The following TYW1 variants were observed in gnomAD, a reference collection of about 807,000 sequenced individuals.
TYW1 encodes tRNA-yW synthesizing protein 1 homolog.
Under a neutral mutation model 96.2 loss-of-function variants are expected in TYW1, and 46 were observed. The ratio of observed to expected loss-of-function variants is 0.48; its 90% confidence interval spans 0.38 to 0.61. The LOEUF is 0.61. TYW1 is among the 20% of genes least tolerant of loss of function. TYW1 has a pLI of 0.00. For synonymous variants in TYW1, 274 were observed against 323.0 expected (o/e 0.85, Z 1.63); for missense variants, 684 against 909.6 (o/e 0.75, Z 3.19).
At chr7:67,038,567 C>T (rs2129254439) in intron 7 of TYW1, among the ~76,000 whole-genome samples, 1 of 152,172 alleles carries the variant, frequency 6.6e-6, no homozygotes, top group South Asian at 2.1e-4. Context: ...GATCGCACCA[C>T]TGCACTCCAG....
At chr7:67,014,918 C>A (rs182187525) in intron 5 of TYW1, among the ~76,000 whole-genome samples, 5 of 151,122 alleles carry the variant, frequency 3.3e-5, no homozygotes, top group African/African-American at 1.2e-4. Flanking sequence ...TTACTAGAGA[C>A]GGGGTTTCAC....
intron 9 of TYW1, among the ~76,000 whole-genome samples, chr7:67,060,115 G>T (rs1321616360): frequency 6.9e-6 from 1 of 144,266 alleles, no homozygotes; most frequent in East Asian, 2.1e-4. Context: ...TCACTCTGTC[G>T]CCCAGGCTGG....
intron 13 of TYW1, among the ~76,000 whole-genome samples, chr7:67,180,406 TTATATATATATATATATA>T (rs1263497490): frequency 2.9e-4 from 18 of 62,726 alleles, no homozygotes; most frequent in East Asian, 3.4e-4. Flanking sequence ...ATATATATAT[TTATATATATATATATATA>T]ATTTTTTTTT....
At position 67,086,551 on chromosome 7, in the gene TYW1, G is replaced by A. The variant is rs149297926; in HGVS notation, c.1384+3012G>A. On this transcript the variant is annotated intron_variant, in intron 11 of 15. Transcript: ENST00000359626. ...TGGCTCATGTATTTGTGGAGGCTTG[G>A]TGAGTTCAACATCTCATGGGTTGAC... Among the ~76,000 whole-genome samples, 361 of 152,246 alleles carry A rather than the reference G, an allele frequency of 2.4e-3. 1 individual carries two copies. The highest frequency in any genetic ancestry group is 7.9e-3 in the African/African-American group (330 of 41,540).
At chr7:67,090,267 T>G (rs188674202) in intron 11 of TYW1, among the ~76,000 whole-genome samples, 42 of 152,330 alleles carry the variant, frequency 2.8e-4, no homozygotes, top group Non-Finnish European at 3.7e-4. Context: ...AGGTATTATT[T>G]ATGACTTTTA....
At chr7:67,095,943 ATG>A (rs1241293552) in intron 11 of TYW1, among the ~76,000 whole-genome samples, 21 of 152,194 alleles carry the variant, frequency 1.4e-4, no homozygotes, top group Middle Eastern at 3.2e-3. Flanking sequence ...AGTTTCATAA[ATG>A]AGGATAAAGG....
chr7:67,121,971 G>A (rs11764458), intron 13 of TYW1, among the ~76,000 whole-genome samples: 12,670 of 108,986 alleles, frequency 0.12, 1,311 homozygotes, highest in African/African-American at 0.21. Context: ...ATTTCTGTCC[G>A]CGATAGCTAC....
intron 13 of TYW1, among the ~76,000 whole-genome samples, chr7:67,165,156 A>G (rs990879380): frequency 6.6e-6 from 1 of 152,174 alleles, no homozygotes; most frequent in African/African-American, 2.4e-5. Context: ...CCAATTTGAT[A>G]AGCCCAAATA....
intron 11 of TYW1, among the ~76,000 whole-genome samples, chr7:67,093,976 G>A (rs1163020340): frequency 1.3e-5 from 2 of 152,172 alleles, no homozygotes; most frequent in Non-Finnish European, 2.9e-5. Context: ...GTACCTGATA[G>A]GTAATTTTTC....
intron 13 of TYW1, among the ~76,000 whole-genome samples, chr7:67,151,787 ATGC>A (rs1032199083): frequency 4.2e-5 from 6 of 143,082 alleles, no homozygotes; most frequent in South Asian, 4.5e-4. Context: ...GAACACAGCC[ATGC>A]TGCTGCTGCT....
Position 67,197,600 on chromosome 7 carries a change from A to G in TYW1, c.1977+2263A>G, listed in dbSNP as rs533311084. ...CTCAGTCTCCCAAAGTGCTGGGATT[A>G]CAGGCATGGGCCACCATGCCCAGTC... On this transcript the variant is annotated intron_variant, in intron 15 of 15. Coordinates refer to ENST00000359626, the MANE Select transcript of TYW1 (RefSeq NM_018264.4). Among the ~76,000 whole-genome samples the G allele has an allele frequency of 3.3e-5, 5 of 152,330 alleles. No individual in the cohort carries two copies. The South Asian group carries it at 1.0e-3, about 32-fold the overall frequency.
chr7:67,015,885 C>T (rs1196752084), intron 5 of TYW1, among the ~76,000 whole-genome samples: 1 of 151,436 alleles, frequency 6.6e-6, no homozygotes, highest in Non-Finnish European at 1.5e-5. Flanking sequence ...ATGGCGTGTA[C>T]TCGGGAGGCA....
Position 67,132,965 on chromosome 7 carries a change from C to T in TYW1, c.1698+15347C>T, listed in dbSNP as rs562712316. On this transcript the variant is annotated intron_variant, in intron 13 of 15. Transcript: ENST00000359626. Reference sequence around the variant, plus strand: ...TGTGCACATGTGCAATAATTTCTTTCGGAACTAACCTGTGGTTGGAAGTTG... The same window carrying T: ...TGTGCACATGTGCAATAATTTCTTTTGGAACTAACCTGTGGTTGGAAGTTG... Among the ~76,000 whole-genome samples, 23 of 152,146 alleles carry T rather than the reference C, an allele frequency of 1.5e-4. No individual in the cohort carries two copies. The East Asian group carries it at 3.7e-3, about 24-fold the overall frequency.
chr7:67,005,425 A>C (rs745691116), intron 3 of TYW1, among the ~76,000 whole-genome samples: 1 of 152,152 alleles, frequency 6.6e-6, no homozygotes, highest in Non-Finnish European at 1.5e-5. Flanking sequence ...GCAAAACTCT[A>C]TCTCTACAAA....
intron 13 of TYW1, among the ~76,000 whole-genome samples, chr7:67,128,328 G>A (rs374663789): frequency 2.6e-5 from 4 of 152,024 alleles, no homozygotes; most frequent in African/African-American, 9.7e-5. Flanking sequence ...CAGTCTCAAG[G>A]CCATTCTTCA....
intron 8 of TYW1, among the ~76,000 whole-genome samples, chr7:67,053,324 A>G (rs1163049916): frequency 6.6e-6 from 1 of 151,030 alleles, no homozygotes; most frequent in Admixed American, 6.6e-5. Context: ...AGCATCAGGC[A>G]TTGCCCCCAG....
At chr7:67,142,680 C>G (rs1460833793) in intron 13 of TYW1, among the ~76,000 whole-genome samples, 1 of 152,170 alleles carries the variant, frequency 6.6e-6, no homozygotes, top group Non-Finnish European at 1.5e-5. Context: ...GGTCTGCGCA[C>G]CTAGGCCTCC....
At chr7:67,015,962 CAAA>C (rs56663072) in intron 5 of TYW1, among the ~76,000 whole-genome samples, 1 of 119,292 alleles carries the variant, frequency 8.4e-6, no homozygotes, top group African/African-American at 3.1e-5. Flanking sequence ...GACTATGTCT[CAAA>C]AAAAAAAAAA....
At chr7:67,181,320 A>G (rs920412153) in intron 13 of TYW1, among the ~76,000 whole-genome samples, 2 of 150,680 alleles carry the variant, frequency 1.3e-5, no homozygotes, top group Admixed American at 6.6e-5. Context: ...GTTTTCTACT[A>G]TTTTTGTTAG....
Sources: allele counts gnomAD v4.1 joint callset (sites outside exome capture counted in the v4.1 genomes callset), GRCh38; gene constraint gnomAD v4.1.1; transcripts MANE v1.5; gene names NCBI Gene and HGNC (gene_info 2026-07-23, HGNC 2026-07-21).